CBFB: variants seen among roughly 807,000 people sequenced by gnomAD.
CBFB encodes the protein CBF-beta.
In CBFB, 9 loss-of-function variants were observed where a neutral mutation model predicts 30.4. That is an observed-to-expected ratio of 0.30 (90% confidence interval 0.18 to 0.52). The LOEUF (loss-of-function observed/expected upper bound fraction) is 0.52, where lower values mean the gene tolerates loss of function less well. CBFB is among the 20% of genes least tolerant of loss of function. The pLI is 0.97. For synonymous variants in CBFB, 94 were observed against 84.0 expected, an observed-to-expected ratio of 1.12 and a Z score of -0.65; for missense variants, 170 against 244.0, an observed-to-expected ratio of 0.70 and a Z score of 2.02.
At chr16:67,070,386 TAAAG>T (rs916811428) in intron 4 of CBFB, among the ~76,000 whole-genome samples, 6 of 152,136 alleles carry the variant, frequency 3.9e-5, no homozygotes, top group East Asian at 1.9e-4. Flanking sequence ...AACATAAAAA[TAAAG>T]AAAGAATCCA....
chr16:67,047,492 C>G (rs1437143265), intron 3 of CBFB, among the ~76,000 whole-genome samples: 1 of 152,082 alleles, frequency 6.6e-6, no homozygotes, highest in Non-Finnish European at 1.5e-5. Flanking sequence ...CAGATTAAAA[C>G]AAAAGGATGG....
chr16:67,067,371 A>C (rs1961090666), intron 4 of CBFB, among the ~76,000 whole-genome samples: 1 of 152,154 alleles, frequency 6.6e-6, no homozygotes, highest in South Asian at 2.1e-4. Context: ...TATAAAAATT[A>C]GCCAGGCATG....
At chr16:67,071,859 T>C (rs1961231293) in intron 4 of CBFB, among the ~76,000 whole-genome samples, 1 of 152,152 alleles carries the variant, frequency 6.6e-6, no homozygotes, top group Non-Finnish European at 1.5e-5. Context: ...CAGATGTCTG[T>C]CTTGTGAAGT....
chr16:67,055,649 C>T (rs1309073385), intron 3 of CBFB, among the ~76,000 whole-genome samples: 1 of 151,870 alleles, frequency 6.6e-6, no homozygotes, highest in Admixed American at 6.6e-5. Context: ...AGCCACCACA[C>T]CCGGCCTCCA....
chr16:67,061,806 C>T (rs1431165422), intron 3 of CBFB, among the ~76,000 whole-genome samples: 1 of 151,878 alleles, frequency 6.6e-6, no homozygotes, highest in Non-Finnish European at 1.5e-5. Context: ...CTGAGGCAGG[C>T]GGATCACCTG....
intron 3 of CBFB, among the ~76,000 whole-genome samples, chr16:67,057,198 G>C (rs1026566827): frequency 6.6e-6 from 1 of 151,314 alleles, no homozygotes; most frequent in Non-Finnish European, 1.5e-5. Flanking sequence ...GGCCAGGCTG[G>C]TCTCGAACTT....
At position 67,100,074 on chromosome 16, in the gene CBFB, T is replaced by C. The variant is rs978210204; in HGVS notation, c.*1296T>C. 6.6e-5 allele frequency: 14 copies of C among 212,670 alleles called. No individual in the cohort carries two copies. Among genetic ancestry groups the C allele is most frequent in the African/African-American group, 3.2e-4 (14 of 44,170 alleles). The allele number at this position is 212,670 out of a possible 1,614,324, so 13.2% of individuals were successfully genotyped here. ...TTACTGTCAAATTGCAACTTTTTTTTTAGATACAGAGTGGAAAACAGTGCT... is the reference window on the plus strand; with the variant it reads ...TTACTGTCAAATTGCAACTTTTTTTCTAGATACAGAGTGGAAAACAGTGCT... On this transcript the variant is annotated 3_prime_UTR_variant, in exon 6 of 6. Coordinates refer to ENST00000412916, the MANE Select transcript of CBFB (RefSeq NM_022845.3).
intron 3 of CBFB, among the ~76,000 whole-genome samples, chr16:67,060,481 T>C (rs927321175): frequency 6.6e-6 from 1 of 152,200 alleles, no homozygotes; most frequent in Non-Finnish European, 1.5e-5. Context: ...CCCTGGCAAC[T>C]ACTTATCTCC....
chr16:67,062,450 G>A (rs1379006014), intron 3 of CBFB, among the ~76,000 whole-genome samples: 1 of 151,294 alleles, frequency 6.6e-6, no homozygotes, highest in African/African-American at 2.4e-5. Flanking sequence ...GATTACAGGT[G>A]TGAGCCACCG....
chr16:67,072,553 G>T (rs1027413316), intron 4 of CBFB, among the ~76,000 whole-genome samples: 3 of 150,688 alleles, frequency 2.0e-5, no homozygotes. Context: ...CTCAACCTCC[G>T]CCTCCTGGGT....
Position 67,100,335 on chromosome 16 carries a change from C to T in CBFB, c.*1557C>T, listed in dbSNP as rs1597169131. On this transcript the variant is annotated 3_prime_UTR_variant, in exon 6 of 6. Transcript: ENST00000412916. Reference sequence around the variant, plus strand: ...GGTGTTACTTTCATTGTATATAGGTCTTATTTCATAAACAGATATCCTGTA... The same window carrying T: ...GGTGTTACTTTCATTGTATATAGGTTTTATTTCATAAACAGATATCCTGTA... 4.5e-6 allele frequency: 1 copy of T among 222,270 alleles called. No individual in the cohort carries two copies. The highest frequency in any genetic ancestry group is 6.6e-5 in the East Asian group (1 of 15,072). 13.8% of individuals were successfully genotyped at this position (222,270 alleles called of 1,614,324 possible). A position where few individuals can be genotyped will look rare whatever the true frequency, so the allele number is the denominator to read the frequency against.
At chr16:67,070,807 C>T (rs1177966040) in intron 4 of CBFB, among the ~76,000 whole-genome samples, 2 of 152,150 alleles carry the variant, frequency 1.3e-5, no homozygotes, top group Non-Finnish European at 2.9e-5. Context: ...GCCGAGATCA[C>T]ACCACTGCAC....
chr16:67,062,994 C>T (rs1315888056), intron 3 of CBFB, among the ~76,000 whole-genome samples: 2 of 152,102 alleles, frequency 1.3e-5, no homozygotes. Flanking sequence ...CCAGTGCATG[C>T]TACTCCGTCC....
Position 67,036,663 on chromosome 16 carries a change from C to T in CBFB, c.190C>T (p.Leu64=), listed in dbSNP as rs781607842. The change falls in exon 3 of 6, where the codon CTG becomes TTG. Residue 64 remains leucine (L), a synonymous_variant. Transcript: ENST00000412916. The part of the protein sequence containing the change: ...EIAFVATGTN[L]SLQFFPASWQ... ...GGCTTTTGTGGCCACAGGAACCAAT[C>T]TGTCTCTCCAGTTTTTTCCGGCCAG... is the stretch of plus-strand genomic sequence containing the variant. 3 of 1,613,088 alleles carry T rather than the reference C, an allele frequency of 1.9e-6. No homozygotes were observed. Among genetic ancestry groups the T allele is most frequent in the Non-Finnish European group, 2.5e-6 (3 of 1,179,164 alleles).
intron 5 of CBFB, among the ~76,000 whole-genome samples, chr16:67,092,483 A>G (rs1567625855): frequency 2.0e-5 from 3 of 151,942 alleles, no homozygotes; most frequent in South Asian, 2.1e-4. Flanking sequence ...GCCTCCAACT[A>G]TGTTACTTGG....
At chr16:67,069,922 G>C (rs1319721872) in intron 4 of CBFB, among the ~76,000 whole-genome samples, 2 of 152,088 alleles carry the variant, frequency 1.3e-5, no homozygotes, top group Non-Finnish European at 2.9e-5. Flanking sequence ...CCAGGAGTTT[G>C]AGGCTGCAGT....
chr16:67,079,289 A>G (rs1352957254), intron 4 of CBFB, among the ~76,000 whole-genome samples: 1 of 152,214 alleles, frequency 6.6e-6, no homozygotes, highest in East Asian at 1.9e-4. Context: ...ATGAAATAAC[A>G]TTGCCCTGGG....
intron 4 of CBFB, among the ~76,000 whole-genome samples, chr16:67,069,607 T>C (rs958462909): frequency 2.0e-5 from 3 of 152,196 alleles, no homozygotes; most frequent in Non-Finnish European, 2.9e-5. Flanking sequence ...ATGAAAAATA[T>C]TAATCCACAT....
At chr16:67,090,280 A>C (rs1448048853) in intron 5 of CBFB, among the ~76,000 whole-genome samples, 1 of 152,184 alleles carries the variant, frequency 6.6e-6, no homozygotes, top group Non-Finnish European at 1.5e-5. Context: ...ACTATTCTGT[A>C]CTTGTATAAA....
Sources: allele counts gnomAD v4.1 joint callset (sites outside exome capture counted in the v4.1 genomes callset), GRCh38; gene constraint gnomAD v4.1.1; transcripts MANE v1.5; gene names NCBI Gene and HGNC (gene_info 2026-07-23, HGNC 2026-07-21).